The following AOAH variants were observed in gnomAD, a reference collection of about 807,000 sequenced individuals.
AOAH encodes acyloxyacyl hydrolase (neutrophil).
AOAH carries 64 observed loss-of-function variants against 92.2 expected under a neutral mutation model. That is an observed-to-expected ratio of 0.69 (90% confidence interval 0.57 to 0.86). The LOEUF is 0.86. Among genes scored for constraint, AOAH ranks in the 40% least tolerant of loss-of-function variants. The pLI, the probability that AOAH is intolerant of heterozygous loss-of-function variation, is 0.00. For missense variants in AOAH, 656 were observed against 694.6 expected, an observed-to-expected ratio of 0.94 and a Z score of 0.62; for synonymous variants, 263 against 254.5, an observed-to-expected ratio of 1.03 and a Z score of -0.32.
intron 16 of AOAH, among the ~76,000 whole-genome samples, chr7:36,538,195 T>G (rs1785204752): frequency 6.6e-6 from 1 of 151,886 alleles, no homozygotes; most frequent in Admixed American, 6.6e-5. Context: ...ACCCTGCTAA[T>G]TTTTGTATTT....
intron 1 of AOAH, among the ~76,000 whole-genome samples, chr7:36,718,378 C>T (rs1799384765): frequency 6.6e-6 from 1 of 152,158 alleles, no homozygotes; most frequent in Admixed American, 6.5e-5. Context: ...GGTGCAGCTG[C>T]TTGGAAAATA....
chr7:36,568,890 A>G (rs1352787350), intron 13 of AOAH, among the ~76,000 whole-genome samples: 3 of 152,136 alleles, frequency 2.0e-5, no homozygotes, highest in African/African-American at 7.2e-5. Context: ...AAAGAAGAGA[A>G]CAAGCAAGAT....
rs1562848374 is a variant in AOAH at position 36,513,112 on chromosome 7, G to C, written c.*140C>G. ...GTCGTCCAGATATGCTCTTCATTGA[G>C]AGAAAGACATTTTGCAAAGATGCTG... On this transcript the variant is annotated 3_prime_UTR_variant, in exon 21 of 21. Transcript: ENST00000617537. The C allele has an allele frequency of 1.4e-5, 23 of 1,603,066 alleles. No individual in the cohort carries two copies. Among genetic ancestry groups the C allele is most frequent in the Non-Finnish European group, 1.4e-5 (17 of 1,178,426 alleles).
Position 36,641,322 on chromosome 7 carries a change from G to A in AOAH, c.391-3412C>T, listed in dbSNP as rs996577041. On this transcript the variant is annotated intron_variant, in intron 4 of 20. Coordinates refer to ENST00000617537, the MANE Select transcript of AOAH (RefSeq NM_001637.4). Reference sequence around the variant, plus strand: ...TCACCCGGGAACTGCCATTCTAGAAGCCCCCCCTCCTCAGCCCCCTTTGGA... The same window carrying A: ...TCACCCGGGAACTGCCATTCTAGAAACCCCCCCTCCTCAGCCCCCTTTGGA... Among the ~76,000 whole-genome samples, 24 of 152,234 alleles carry A rather than the reference G, an allele frequency of 1.6e-4. 1 individual carries two copies. The East Asian group carries it at 4.6e-3, about 29-fold the overall frequency.
At chr7:36,665,039 C>T (rs2116579082) in intron 3 of AOAH, among the ~76,000 whole-genome samples, 1 of 152,318 alleles carries the variant, frequency 6.6e-6, no homozygotes, top group Admixed American at 6.5e-5. Context: ...ATACCTCCTA[C>T]TAGGCCCTAC....
intron 15 of AOAH, among the ~76,000 whole-genome samples, chr7:36,543,015 G>A (rs2116226921): frequency 6.6e-6 from 1 of 152,250 alleles, no homozygotes; most frequent in Middle Eastern, 3.4e-3. Flanking sequence ...CAGTAGGGTG[G>A]CAGTTATGGT....
At chr7:36,723,955 C>T (rs6462703) in intron 1 of AOAH, 67 bp downstream of exon 1, 443,508 of 1,514,320 alleles carry the variant, frequency 0.29, 68,142 homozygotes, top group African/African-American at 0.49. Context: ...TGATTTATTA[C>T]GCAAGCAAAG....
intron 13 of AOAH, among the ~76,000 whole-genome samples, chr7:36,565,282 A>C (rs1787611544): frequency 8.1e-6 from 1 of 122,842 alleles, no homozygotes; most frequent in Admixed American, 9.2e-5. Context: ...GTTATACATA[A>C]TTTTTGTCAT....
rs1193434981 is a variant in AOAH at position 36,583,351 on chromosome 7, G to A, written c.939-6695C>T. Reference sequence around the variant, plus strand: ...GCTAGGAAAATTTAAGAAAAGGGTGGATAACTTTCTTTCTAATGTGGATGG... The same window carrying A: ...GCTAGGAAAATTTAAGAAAAGGGTGAATAACTTTCTTTCTAATGTGGATGG... On this transcript the variant is annotated intron_variant, in intron 12 of 20. Coordinates refer to ENST00000617537, the MANE Select transcript of AOAH (RefSeq NM_001637.4). Among the ~76,000 whole-genome samples the A allele has an allele frequency of 2.0e-5, 3 of 152,278 alleles. No individual in the cohort carries two copies. In the East Asian group the frequency reaches 5.8e-4, roughly 29 times the overall value.
At chr7:36,597,994 G>A (rs894537073) in intron 11 of AOAH, 4 of 152,088 alleles carry the variant, frequency 2.6e-5, no homozygotes, top group African/African-American at 9.7e-5. Context: ...AGGGGTGGGT[G>A]ATGAACTTCT....
intron 16 of AOAH, among the ~76,000 whole-genome samples, chr7:36,536,753 A>G (rs1785084404): frequency 6.6e-6 from 1 of 152,004 alleles, no homozygotes; most frequent in African/African-American, 2.4e-5. Context: ...GATCGAGACC[A>G]GCCTGGCCAA....
chr7:36,712,520 A>G (rs1309944534), intron 1 of AOAH, among the ~76,000 whole-genome samples: 1 of 152,210 alleles, frequency 6.6e-6, no homozygotes, highest in Non-Finnish European at 1.5e-5. Flanking sequence ...AACATGTCTT[A>G]TCATTTATTC....
At chr7:36,684,181 G>GAAACTAT (rs1162456223) in intron 2 of AOAH, among the ~76,000 whole-genome samples, 1 of 152,132 alleles carries the variant, frequency 6.6e-6, no homozygotes, top group Non-Finnish European at 1.5e-5. Context: ...AGTTAGTGAG[G>GAAACTAT]AAACTATCGA....
intron 12 of AOAH, among the ~76,000 whole-genome samples, chr7:36,593,863 C>T (rs1789917383): frequency 6.6e-6 from 1 of 152,140 alleles, no homozygotes; most frequent in Non-Finnish European, 1.5e-5. Context: ...GGGAAGCAGA[C>T]CCCAGGCCTT....
At chr7:36,691,664 T>A (rs995444178) in intron 1 of AOAH, among the ~76,000 whole-genome samples, 1 of 152,162 alleles carries the variant, frequency 6.6e-6, no homozygotes, top group Non-Finnish European at 1.5e-5. Flanking sequence ...TTGGCACCCA[T>A]GGAATGGAAT....
intron 20 of AOAH, among the ~76,000 whole-genome samples, chr7:36,517,615 T>C (rs1163557993): frequency 6.8e-6 from 1 of 146,936 alleles, no homozygotes; most frequent in Non-Finnish European, 1.5e-5. Context: ...TTTTTTTTTT[T>C]TTTGAGATGG....
chr7:36,718,922 A>G (rs1228505252), intron 1 of AOAH, among the ~76,000 whole-genome samples: 1 of 152,254 alleles, frequency 6.6e-6, no homozygotes. Context: ...AAAAGAGTGA[A>G]GTTTATGATA....
rs1360673516 is a variant in AOAH, at chr7:36,614,249, A to G, written c.846+2131T>C. On this transcript the variant is annotated intron_variant, in intron 11 of 20. Coordinates refer to ENST00000617537, the MANE Select transcript of AOAH (RefSeq NM_001637.4). The surrounding 1 kb of genome is among the most constrained non-coding windows in gnomAD (Gnocchi z 4.2). ...GTTGTGGCACTGCCCCACATTTTTT[A>G]TTGTGTTGTTTGATAGGTCCATCCA... is the stretch of plus-strand genomic sequence containing the variant. Among the ~76,000 whole-genome samples, 1 of 151,666 alleles carries G rather than the reference A, an allele frequency of 6.6e-6. No homozygotes were observed. Among genetic ancestry groups the G allele is most frequent in the Non-Finnish European group, 1.5e-5 (1 of 67,938 alleles).
At chr7:36,674,793 T>A (rs564769022) in intron 2 of AOAH, among the ~76,000 whole-genome samples, 1 of 152,196 alleles carries the variant, frequency 6.6e-6, no homozygotes, top group Admixed American at 6.5e-5. Context: ...GTGTCTCACA[T>A]AGGGGGGCCC....
Sources: gnomAD v4.1 joint callset for allele counts (sites outside exome capture counted in the v4.1 genomes callset) on GRCh38, gnomAD v4.1.1 for gene constraint, Gnocchi (gnomAD v3.1) non-coding constraint, MANE v1.5 for transcripts, NCBI Gene and HGNC (gene_info 2026-07-23, HGNC 2026-07-21) for gene names.